Variants in COL19A1 observed in about 807,000 individuals in gnomAD.
COL19A1 encodes the protein collagen alpha-1(XIX) chain.
COL19A1 carries 159 observed loss-of-function variants against 190.2 expected under a neutral mutation model. The observed-to-expected ratio is 0.84, with a 90% CI of 0.73 to 0.95. The LOEUF is 0.95. COL19A1 is among the 40% of genes least tolerant of loss of function. The pLI, the probability that COL19A1 is intolerant of heterozygous loss-of-function variation, is 0.00. For synonymous variants in COL19A1, 509 were observed against 458.9 expected (o/e 1.11, Z -1.39); for missense variants, 1,418 against 1,431.9 (o/e 0.99, Z 0.16).
At chr6:69,901,932 A>G (rs906926722) in intron 4 of COL19A1, among the ~76,000 whole-genome samples, 2 of 152,316 alleles carry the variant, frequency 1.3e-5, no homozygotes, top group Non-Finnish European at 2.9e-5. Context: ...ACATTTAGAC[A>G]ATGCTATTTC....
chr6:69,876,574 A>G (rs1768145588), intron 1 of COL19A1, among the ~76,000 whole-genome samples: 1 of 152,218 alleles, frequency 6.6e-6, no homozygotes, highest in African/African-American at 2.4e-5. Context: ...TCCTAGTATT[A>G]TTTCCAATTT....
chr6:69,891,137 C>G (rs1036620216), intron 2 of COL19A1: 2 of 171,512 alleles, frequency 1.2e-5, no homozygotes, highest in African/African-American at 4.9e-5. Context: ...GGGATAAGGA[C>G]AGCTCAAAAA....
At chr6:70,064,716 C>G (rs887510938) in intron 14 of COL19A1, among the ~76,000 whole-genome samples, 1 of 152,136 alleles carries the variant, frequency 6.6e-6, no homozygotes, top group Non-Finnish European at 1.5e-5. Flanking sequence ...AAAACCCCAT[C>G]GTCTCAGCCC....
At chr6:70,093,854 T>C (rs578140074) in intron 15 of COL19A1, among the ~76,000 whole-genome samples, 4 of 152,256 alleles carry the variant, frequency 2.6e-5, no homozygotes, top group East Asian at 1.9e-4. Context: ...TAGTTACAGA[T>C]AGAGTCCATC....
At position 69,938,198 on chromosome 6, in the gene COL19A1, A is replaced by G. The variant is rs1472292718; in HGVS notation, c.936+98A>G. The G allele has an allele frequency of 5.3e-6, 6 of 1,127,238 alleles. No homozygotes were observed. The African/African-American group carries it at 9.5e-5, about 18-fold the overall frequency. The allele number at this position is 1,127,238 out of a possible 1,614,324, so 69.8% of individuals were successfully genotyped here. ...ATTTTTCTTTATTCTGTACAAATAT[A>G]TGTTTCTATAAAAGGCTATCAAAGA... On this transcript the variant is annotated intron_variant, in intron 9 of 50. Coordinates refer to ENST00000620364, the MANE Select transcript of COL19A1 (RefSeq NM_001858.6).
At chr6:70,037,408 G>A (rs1160122077) in intron 14 of COL19A1, among the ~76,000 whole-genome samples, 2 of 151,888 alleles carry the variant, frequency 1.3e-5, no homozygotes, top group African/African-American at 2.4e-5. Flanking sequence ...CGCCCACTTC[G>A]GCCTCCCAAA....
intron 4 of COL19A1, among the ~76,000 whole-genome samples, chr6:69,921,770 ATATGTATATTCGTATGTAGATTCG>A (rs1771971147): frequency 3.4e-5 from 5 of 146,450 alleles, no homozygotes; most frequent in Admixed American, 3.4e-4. Context: ...GTAGATTCGT[ATATGTATATTCGTATGTAGATTCG>A]TATATGTATA....
At chr6:70,004,895 C>T (rs9446180) in intron 11 of COL19A1, among the ~76,000 whole-genome samples, 2,520 of 150,846 alleles carry the variant, frequency 0.017, 57 homozygotes, top group East Asian at 0.068. Flanking sequence ...TGCAGTGGCT[C>T]GATCTCGGCT....
chr6:70,162,272 A>T (rs1373375037), intron 35 of COL19A1, among the ~76,000 whole-genome samples: 1 of 152,014 alleles, frequency 6.6e-6, no homozygotes, highest in African/African-American at 2.4e-5. Flanking sequence ...AACCTTTAGA[A>T]GAGATAGTCA....
At position 70,132,453 on chromosome 6, in the gene COL19A1, C is replaced by T. The variant is rs150115570; in HGVS notation, c.1383+2230C>T. Reference sequence around the variant, plus strand: ...ATAGCAGTTGCTGGAAGGGTGAAATCAACTCTACCTATGTAAGTCTACTTA... The same window carrying T: ...ATAGCAGTTGCTGGAAGGGTGAAATTAACTCTACCTATGTAAGTCTACTTA... On this transcript the variant is annotated intron_variant, in intron 18 of 50. Coordinates refer to ENST00000620364, the MANE Select transcript of COL19A1 (RefSeq NM_001858.6). Among the ~76,000 whole-genome samples, 267 of 152,282 alleles carry T rather than the reference C, an allele frequency of 1.8e-3. 5 individuals are homozygous for T. The highest frequency in any genetic ancestry group is 6.2e-3 in the African/African-American group (257 of 41,558).
intron 17 of COL19A1, among the ~76,000 whole-genome samples, chr6:70,123,367 A>C (rs1784996951): frequency 1.3e-5 from 2 of 151,996 alleles, no homozygotes; most frequent in Admixed American, 6.6e-5. Context: ...GTGGGACTGT[A>C]AACTAGTTCA....
chr6:70,004,845 T>G (rs1005512299), intron 11 of COL19A1, among the ~76,000 whole-genome samples: 2 of 151,964 alleles, frequency 1.3e-5, no homozygotes, highest in South Asian at 2.1e-4. Context: ...TTTTTTTTTT[T>G]TTTTGACGGA....
chr6:70,180,624 T>A lies in COL19A1; in HGVS notation c.2775+101T>A. The A allele has an allele frequency of 2.4e-6, 3 of 1,248,098 alleles. No individual in the cohort carries two copies. The South Asian group carries it at 3.8e-5, about 16-fold the overall frequency. The allele number at this position is 1,248,098 out of a possible 1,614,324, so 77.3% of individuals were successfully genotyped here. On this transcript the variant is annotated intron_variant, in intron 44 of 50. Transcript: ENST00000620364. The stretch of plus-strand genomic sequence containing the variant: ...AAATTCTGAGATTTGAATAAGCAGT[T>A]TCCAAGGAGTAAGAAGAATGCACAG...
At chr6:69,984,818 C>A (rs1187395945) in intron 11 of COL19A1, among the ~76,000 whole-genome samples, 3 of 152,076 alleles carry the variant, frequency 2.0e-5, no homozygotes, top group Non-Finnish European at 2.9e-5. Context: ...GACATTTTAG[C>A]CATTAGTCTT....
rs929489170 is a variant in COL19A1, at chr6:70,211,714, C to T, written c.*4440C>T. Among the ~76,000 whole-genome samples the T allele has an allele frequency of 4.0e-5, 6 of 151,610 alleles. No individual in the cohort carries two copies. The highest frequency in any genetic ancestry group is 8.8e-5 in the Non-Finnish European group (6 of 67,912). On this transcript the variant is annotated 3_prime_UTR_variant, in exon 51 of 51. Transcript: ENST00000620364. ...GAGTGTCATCATTTTTATTGTGTGG[C>T]ATACTTGGAGCTATAATCCAAACGT...
intron 14 of COL19A1, among the ~76,000 whole-genome samples, chr6:70,047,502 C>T (rs141848842): frequency 1.2e-3 from 180 of 152,130 alleles, no homozygotes; most frequent in Non-Finnish European, 2.3e-3. Context: ...ATGGTTTAAT[C>T]ATGTTATTTG....
chr6:70,001,181 A>G (rs1426710642), intron 11 of COL19A1, among the ~76,000 whole-genome samples: 1 of 152,074 alleles, frequency 6.6e-6, no homozygotes, highest in East Asian at 1.9e-4. Context: ...ATTGTTGTAC[A>G]TGTATGGTCT....
At chr6:70,073,194 G>C (rs868031008) in intron 15 of COL19A1, among the ~76,000 whole-genome samples, 1 of 151,996 alleles carries the variant, frequency 6.6e-6, no homozygotes. Flanking sequence ...CACCATGTTG[G>C]TCAGGCTGGT....
intron 23 of COL19A1, 133 bp from the exon 24 acceptor site, chr6:70,144,077 A>G (rs1786447503): frequency 2.7e-6 from 2 of 732,912 alleles, no homozygotes; most frequent in South Asian, 4.8e-5. Context: ...AAAGGCCAAA[A>G]TCAATCCAAC....
Sources: allele counts gnomAD v4.1 joint callset (sites outside exome capture counted in the v4.1 genomes callset), GRCh38; gene constraint gnomAD v4.1.1; transcripts MANE v1.5; gene names NCBI Gene and HGNC (gene_info 2026-07-23, HGNC 2026-07-21).